SYCE1L: variants seen among roughly 807,000 people sequenced by gnomAD.
SYCE1L encodes synaptonemal complex central element protein 1 like.
In SYCE1L, 51 loss-of-function variants were observed where a neutral mutation model predicts 39.6. The observed-to-expected ratio is 1.29, with a 90% confidence interval of 1.03 to 1.63. The LOEUF (loss-of-function observed/expected upper bound fraction) is 1.63, where lower values mean the gene tolerates loss of function less well. Ranked by LOEUF, SYCE1L falls within the 40% of genes most tolerant of loss-of-function variation. SYCE1L has a pLI of 0.00. For missense variants in SYCE1L, 426 were observed against 304.9 expected, an observed-to-expected ratio of 1.40 and a Z score of -2.96; for synonymous variants, 147 against 122.4, an observed-to-expected ratio of 1.20 and a Z score of -1.33.
rs1398536525 is a variant in SYCE1L, at chr16:77,209,472, G to A, written c.359+1G>A. ...AAGAGAAGGAAAGCGAGGCTCAGAGGTAAGAGGCCCTGCCTCAGCTCTTCC... is the reference window on the plus strand; with the variant it reads ...AAGAGAAGGAAAGCGAGGCTCAGAGATAAGAGGCCCTGCCTCAGCTCTTCC... On this transcript the variant is annotated splice_donor_variant, in intron 6 of 10. Coordinates refer to ENST00000378644, the MANE Select transcript of SYCE1L (RefSeq NM_001129979.3). LOFTEE classifies it high-confidence loss of function. The A allele has an allele frequency of 1.9e-6, 3 of 1,551,730 alleles. No individual in the cohort carries two copies. The highest frequency in any genetic ancestry group is 2.0e-5 in the Admixed American group (1 of 51,006).
chr16:77,206,378 C>A (rs1389147481), intron 1 of SYCE1L, 63 bp from the exon 2 acceptor site: 7 of 1,437,244 alleles, frequency 4.9e-6, no homozygotes, highest in African/African-American at 2.8e-5. Context: ...GGACTTCCTG[C>A]CTCCCTTCTC....
rs1258503111 is a variant in SYCE1L, at chr16:77,211,349, TC to T, written c.423+75del. The T allele has an allele frequency of 1.8e-5, 27 of 1,518,864 alleles. No homozygotes were observed. The Admixed American group carries it at 2.8e-4, about 15-fold the overall frequency. 94.1% of individuals were successfully genotyped at this position (1,518,864 alleles called of 1,614,324 possible). A position where few individuals can be genotyped will look rare whatever the true frequency, so the allele number is the denominator to read the frequency against. On this transcript the variant is annotated intron_variant, in intron 7 of 10. Transcript: ENST00000378644. Reference sequence around the variant, plus strand: ...TAGTGTCGCACTGACTGGCCCAGAGTCCACCCCTGCCCAGGCTCAATGCCGC... The same window carrying T: ...TAGTGTCGCACTGACTGGCCCAGAGTCACCCCTGCCCAGGCTCAATGCCGC...
intron 7 of SYCE1L, among the ~76,000 whole-genome samples, chr16:77,211,527 C>T (rs1273273418): frequency 6.6e-6 from 1 of 152,194 alleles, no homozygotes; most frequent in Non-Finnish European, 1.5e-5. Context: ...TGCTTTCCCC[C>T]TGCTCATCTA....
At position 77,212,385 on chromosome 16, in the gene SYCE1L, A is replaced by C. The variant is rs2142522192; in HGVS notation, c.581+16A>C. On this transcript the variant is annotated intron_variant, in intron 9 of 10. Coordinates refer to ENST00000378644, the MANE Select transcript of SYCE1L (RefSeq NM_001129979.3). ...TGAATGACGGGTGAGAGGGGAAGGG[A>C]GGAGTGGGCGAGGAGGGCAGGGGCA... The C allele has an allele frequency of 2.6e-6, 4 of 1,526,382 alleles. No individual in the cohort carries two copies. Among genetic ancestry groups the C allele is most frequent in the Non-Finnish European group, 3.5e-6 (4 of 1,138,106 alleles). The allele number at this position is 1,526,382 out of a possible 1,614,324, so 94.6% of individuals were successfully genotyped here.
chr16:77,201,077 C>A (rs2054737470), intron 1 of SYCE1L: 1 of 152,160 alleles, frequency 6.6e-6, no homozygotes, highest in South Asian at 2.1e-4. Context: ...GATGTGAGCT[C>A]CATGAGAACA....
intron 1 of SYCE1L, among the ~76,000 whole-genome samples, chr16:77,203,217 T>G (rs2054759121): frequency 6.6e-6 from 1 of 152,216 alleles, no homozygotes; most frequent in Admixed American, 6.6e-5. Context: ...GACCAAGTGT[T>G]GTCACCGAAC....
chr16:77,210,247 C>T (rs901102038), intron 6 of SYCE1L, among the ~76,000 whole-genome samples: 13 of 152,176 alleles, frequency 8.5e-5, no homozygotes, highest in African/African-American at 2.9e-4. Flanking sequence ...CCATGTTGGT[C>T]AGGCTGGTCT....
In SYCE1L at chr16:77,199,462, A is replaced by G; in HGVS notation, c.11A>G (p.Lys4Arg). ...GCCCCGCGTTGGAAAATGGCGGGGA[A>G]GCTGAAACCTCTGAATGTGGAGGCG... Reference protein sequence around the residue: MAGKLKPLNVEAPE... With the variant: MAGRLKPLNVEAPE... Residue 4 changes from lysine to arginine, a missense_variant, in exon 1 of 11, where the codon AAG becomes AGG. By Grantham distance (26) the Lys-to-Arg change is conservative. Transcript: ENST00000378644. 9 of 1,551,540 alleles carry G rather than the reference A, an allele frequency of 5.8e-6. No individual in the cohort carries two copies. Among genetic ancestry groups the G allele is most frequent in the East Asian group, 2.4e-5 (1 of 40,912 alleles).
intron 9 of SYCE1L, 51 bp downstream of exon 9, chr16:77,212,420 G>T: frequency 1.3e-6 from 2 of 1,530,508 alleles, no homozygotes; most frequent in Non-Finnish European, 1.8e-6. Flanking sequence ...AGGGCGGAGG[G>T]GAACCCGCCC....
At chr16:77,205,433 A>AATATATATATATATATATATGTGT (rs145238524) in intron 1 of SYCE1L, among the ~76,000 whole-genome samples, 2 of 145,296 alleles carry the variant, frequency 1.4e-5, no homozygotes, top group South Asian at 2.2e-4. Context: ...CATAGAAGTA[A>AATATATATATATATATATATGTGT]ATATATATAT....
chr16:77,211,851 C>T (rs895863639), intron 7 of SYCE1L, among the ~76,000 whole-genome samples: 22 of 151,866 alleles, frequency 1.4e-4, no homozygotes, highest in South Asian at 2.1e-4. Flanking sequence ...TGGGGCTGGA[C>T]GGTGCCTGAA....
chr16:77,211,777 T>C (rs868091441), intron 7 of SYCE1L, among the ~76,000 whole-genome samples: 1 of 152,104 alleles, frequency 6.6e-6, no homozygotes, highest in Non-Finnish European at 1.5e-5. Flanking sequence ...AAGTGACATC[T>C]CAACGCAGAG....
At chr16:77,211,402 G>A (rs1233656446) in intron 7 of SYCE1L, 126 bp downstream of exon 7, 259 of 1,142,840 alleles carry the variant, frequency 2.3e-4, no homozygotes, top group Non-Finnish European at 4.9e-5. Context: ...CCTTGCTTCC[G>A]CTTGCCCACC....
chr16:77,209,410 C>G lies in SYCE1L; in HGVS notation c.305-7C>G. 6.4e-7 allele frequency: 1 copy of G among 1,551,688 alleles called. No homozygotes were observed. Reference sequence around the variant, plus strand: ...CTCAAAGGGTCCCCTTGGTTCCTTCCCCACAGAGGCACTGAGGATCCTCCA... The same window carrying G: ...CTCAAAGGGTCCCCTTGGTTCCTTCGCCACAGAGGCACTGAGGATCCTCCA... On this transcript the variant is annotated splice_polypyrimidine_tract_variant and splice_region_variant and intron_variant, in intron 5 of 10. Transcript: ENST00000378644.
chr16:77,206,347 G>C lies in SYCE1L; in HGVS notation c.62-94G>C, dbSNP rs554521058. 1.2e-5 allele frequency: 13 copies of C among 1,081,766 alleles called. No homozygotes were observed. In the South Asian group the frequency reaches 1.5e-4, roughly 13 times the overall value. The allele number at this position is 1,081,766 out of a possible 1,614,324, so 67.0% of individuals were successfully genotyped here. On this transcript the variant is annotated intron_variant, in intron 1 of 10. Transcript: ENST00000378644. ...CATTCCATCCTTAGCCCCAGCCCAC[G>C]GGTGTCTGCAGAGCCCACTGGGACT...
At chr16:77,203,477 C>A (rs1477119614) in intron 1 of SYCE1L, among the ~76,000 whole-genome samples, 1 of 150,292 alleles carries the variant, frequency 6.7e-6, no homozygotes, top group African/African-American at 2.4e-5. Context: ...AAAAAAAAAT[C>A]TAATAAGCTC....
At chr16:77,212,468 C>T (rs1188255621) in intron 9 of SYCE1L, 99 bp downstream of exon 9, 1 of 1,539,174 alleles carries the variant, frequency 6.5e-7, no homozygotes, top group Non-Finnish European at 8.8e-7. Flanking sequence ...GCTTCCCCGG[C>T]CTGTGCCTCC....
At chr16:77,206,279 G>C (rs2054785029) in intron 1 of SYCE1L, among the ~76,000 whole-genome samples, 162 bp from the exon 2 acceptor site, 1 of 152,048 alleles carries the variant, frequency 6.6e-6, no homozygotes, top group South Asian at 2.1e-4. Flanking sequence ...TAAACCTCAA[G>C]GGCAAGAGAC....
At chr16:77,207,396 G>C (rs9931082) in intron 2 of SYCE1L, among the ~76,000 whole-genome samples, 1 of 134,806 alleles carries the variant, frequency 7.4e-6, no homozygotes, top group Non-Finnish European at 1.7e-5. Context: ...AGTCTTCTGC[G>C]TACAGAGCAC....
Sources: gnomAD v4.1 joint callset for allele counts (sites outside exome capture counted in the v4.1 genomes callset) on GRCh38, gnomAD v4.1.1 for gene constraint, MANE v1.5 for transcripts, NCBI Gene and HGNC (gene_info 2026-07-23, HGNC 2026-07-21) for gene names.